The following GREB1L variants were observed in gnomAD, a reference collection of about 807,000 sequenced individuals.
GREB1L encodes the protein GREB1 like retinoic acid receptor coactivator.
In GREB1L, 17 loss-of-function variants were observed where a neutral mutation model predicts 200.8. That is an observed-to-expected ratio of 0.08 (90% confidence interval 0.06 to 0.13). The LOEUF (loss-of-function observed/expected upper bound fraction) is 0.13. Among genes scored for constraint, GREB1L ranks in the 10% least tolerant of loss-of-function variants. GREB1L has a pLI of 1.00. For synonymous variants in GREB1L, 789 were observed against 893.0 expected, an observed-to-expected ratio of 0.88 and a Z score of 2.08; for missense variants, 1,657 against 2,367.7, an observed-to-expected ratio of 0.70 and a Z score of 6.23.
intron 1 of GREB1L, among the ~76,000 whole-genome samples, chr18:21,329,971 G>A (rs200030255): frequency 2.6e-5 from 1 of 39,062 alleles, no homozygotes; most frequent in Non-Finnish European, 5.5e-5. Flanking sequence ...TTTTTTTTTG[G>A]GGGGGGGGGG....
chr18:21,481,475 GTGTA>G (rs35457588), intron 17 of GREB1L, among the ~76,000 whole-genome samples: 5,338 of 140,894 alleles, frequency 0.038, 100 homozygotes, highest in Non-Finnish European at 0.048. Flanking sequence ...GTGTGTGTGT[GTGTA>G]TATATATATA....
intron 7 of GREB1L, among the ~76,000 whole-genome samples, chr18:21,420,154 T>C (rs1393080336): frequency 6.6e-6 from 1 of 152,012 alleles, no homozygotes; most frequent in Non-Finnish European, 1.5e-5. Context: ...GGGCAGATCA[T>C]GAGGTCAGGA....
chr18:21,330,431 C>T (rs1169986725), intron 1 of GREB1L, among the ~76,000 whole-genome samples: 1 of 152,188 alleles, frequency 6.6e-6, no homozygotes, highest in Non-Finnish European at 1.5e-5. Flanking sequence ...GTAACCTCTG[C>T]TGTTGATACT....
chr18:21,511,007 T>G (rs2037218385), intron 27 of GREB1L, among the ~76,000 whole-genome samples: 1 of 152,160 alleles, frequency 6.6e-6, no homozygotes, highest in South Asian at 2.1e-4. Flanking sequence ...AATTATTTTG[T>G]TGTTGTTGAG....
In GREB1L at chr18:21,383,490, T is replaced by C; in HGVS notation, c.-9-20T>C. On this transcript the variant is annotated intron_variant, in intron 2 of 32. Coordinates refer to ENST00000424526, the MANE Select transcript of GREB1L (RefSeq NM_001142966.3). ...ATTATATCAATTTTATCCTTTCTTC[T>C]TTTTCTTGGGGATGGGTAGGTGTAG... 2.7e-6 allele frequency: 4 copies of C among 1,484,822 alleles called. No homozygotes were observed. Among genetic ancestry groups the C allele is most frequent in the Non-Finnish European group, 3.6e-6 (4 of 1,118,510 alleles). The allele number at this position is 1,484,822 out of a possible 1,614,324, so 92.0% of individuals were successfully genotyped here. A position where few individuals can be genotyped will look rare whatever the true frequency, so the allele number is the denominator to read the frequency against.
chr18:21,485,854 A>T, intron 18 of GREB1L, 101 bp downstream of exon 18: 2 of 1,160,824 alleles, frequency 1.7e-6, no homozygotes, highest in Non-Finnish European at 2.4e-6. Context: ...TGTTTGATGG[A>T]GCCCTTGCAG....
intron 1 of GREB1L, among the ~76,000 whole-genome samples, chr18:21,335,982 A>G (rs1284602150): frequency 2.6e-5 from 4 of 152,160 alleles, no homozygotes; most frequent in African/African-American, 9.7e-5. Flanking sequence ...ATTTCTTAAA[A>G]TAATTTCATC....
chr18:21,294,723 A>C (rs1480038404), intron 1 of GREB1L, among the ~76,000 whole-genome samples: 2 of 152,122 alleles, frequency 1.3e-5, no homozygotes, highest in African/African-American at 4.8e-5. Context: ...TATGGTATAC[A>C]TTGTTAGAAG....
At chr18:21,460,759 G>T (rs1334459729) in intron 15 of GREB1L, among the ~76,000 whole-genome samples, 1 of 151,784 alleles carries the variant, frequency 6.6e-6, no homozygotes, top group Non-Finnish European at 1.5e-5. Flanking sequence ...AAATGACCAT[G>T]CTACCCCACC....
chr18:21,440,526 A>G (rs1358237690), intron 9 of GREB1L, 138 bp downstream of exon 9: 17 of 851,392 alleles, frequency 2.0e-5, no homozygotes, highest in South Asian at 7.2e-5. Flanking sequence ...TCCCGATCAC[A>G]TTTGCCTTCC....
chr18:21,290,101 G>A (rs1045415149), intron 1 of GREB1L, among the ~76,000 whole-genome samples: 1 of 152,198 alleles, frequency 6.6e-6, no homozygotes, highest in African/African-American at 2.4e-5. Flanking sequence ...AAAAGGTAGA[G>A]TGGGCTTTGG....
chr18:21,266,943 G>A (rs924830895), intron 1 of GREB1L, among the ~76,000 whole-genome samples: 11 of 151,854 alleles, frequency 7.2e-5, no homozygotes, highest in African/African-American at 1.2e-4. Flanking sequence ...TTGTTTTTTC[G>A]TTTGTTTGGA....
intron 1 of GREB1L, among the ~76,000 whole-genome samples, chr18:21,294,768 C>A (rs566343001): frequency 6.6e-6 from 1 of 152,202 alleles, no homozygotes; most frequent in African/African-American, 2.4e-5. Context: ...TAGTCATTAG[C>A]ATTCTCATTT....
At position 21,526,072 on chromosome 18, in the gene GREB1L, C is replaced by T. The variant is rs2037682504; in HGVS notation, c.*3251C>T. On this transcript the variant is annotated 3_prime_UTR_variant, in exon 33 of 33. Coordinates refer to ENST00000424526, the MANE Select transcript of GREB1L (RefSeq NM_001142966.3). ...CAACATCACACTAAACTACTTAGGC[C>T]TGAAACAACATCCAGAGAACGAACA... Among the ~76,000 whole-genome samples, 1 of 152,082 alleles carries T rather than the reference C, an allele frequency of 6.6e-6. No individual in the cohort carries two copies. Among genetic ancestry groups the T allele is most frequent in the African/African-American group, 2.4e-5 (1 of 41,400 alleles).
intron 23 of GREB1L, 33 bp from the exon 24 acceptor site, chr18:21,505,379 T>C: frequency 6.5e-7 from 1 of 1,538,050 alleles, no homozygotes; most frequent in Non-Finnish European, 8.8e-7. Flanking sequence ...GGGAGGCCAG[T>C]CACCTGCTCT....
intron 21 of GREB1L, among the ~76,000 whole-genome samples, chr18:21,497,365 C>T (rs575525253): frequency 1.3e-5 from 2 of 152,112 alleles, no homozygotes; most frequent in South Asian, 2.1e-4. Context: ...TGGAAAATGT[C>T]GGCCGGGTGC....
At chr18:21,474,960 C>T (rs2035627216) in intron 16 of GREB1L, among the ~76,000 whole-genome samples, 1 of 152,134 alleles carries the variant, frequency 6.6e-6, no homozygotes, top group African/African-American at 2.4e-5. Flanking sequence ...TCAATCATCT[C>T]CCACCGGGTC....
chr18:21,439,599 C>G lies in GREB1L; in HGVS notation c.911C>G (p.Ser304Cys). Residue 304 changes from serine to cysteine, a missense_variant, in exon 8 of 33, where the codon TCT becomes TGT. Ser to Cys is a moderately radical substitution (Grantham distance 112, BLOSUM62 -1). Coordinates refer to ENST00000424526, the MANE Select transcript of GREB1L (RefSeq NM_001142966.3). ...SSTPAHTGNY[S>C]LSPRPSYASG... Reference sequence around the variant, plus strand: ...ACTCCAGCCCACACAGGGAATTACTCTTTGTCACCACGACCTAGCTATGCA... The same window carrying G: ...ACTCCAGCCCACACAGGGAATTACTGTTTGTCACCACGACCTAGCTATGCA... 6.4e-7 allele frequency: 1 copy of G among 1,551,824 alleles called. No individual in the cohort carries two copies. The highest frequency in any genetic ancestry group is 8.7e-7 in the Non-Finnish European group (1 of 1,146,662).
At chr18:21,363,592 C>T (rs1192330113) in intron 1 of GREB1L, 3 of 151,948 alleles carry the variant, frequency 2.0e-5, no homozygotes, top group Non-Finnish European at 2.9e-5. Context: ...GCAGTGTGGT[C>T]GTTTCTGAGA....
Sources: allele counts gnomAD v4.1 joint callset (sites outside exome capture counted in the v4.1 genomes callset), GRCh38; gene constraint gnomAD v4.1.1; transcripts MANE v1.5; gene names NCBI Gene and HGNC (gene_info 2026-07-23, HGNC 2026-07-21).